CLNK: variants seen among roughly 807,000 people sequenced by gnomAD.
CLNK encodes the protein cytokine-dependent hematopoietic cell linker.
Under a neutral mutation model 68.6 loss-of-function variants are expected in CLNK, and 74 were observed. The ratio of observed to expected loss-of-function variants is 1.08; its 90% CI spans 0.89 to 1.31. CLNK has a LOEUF of 1.31. CLNK is among the 50% of genes most tolerant of loss of function. The probability of loss-of-function intolerance (pLI) is 0.00; values close to 1 mark genes in which losing one functional copy is unlikely to be tolerated. For missense variants in CLNK, 553 were observed against 515.3 expected, an observed-to-expected ratio of 1.07 and a Z score of -0.71; for synonymous variants, 198 against 172.2, an observed-to-expected ratio of 1.15 and a Z score of -1.17.
intron 2 of CLNK, among the ~76,000 whole-genome samples, chr4:10,644,884 T>G (rs1226026573): frequency 1.3e-5 from 2 of 152,204 alleles, no homozygotes; most frequent in African/African-American, 2.4e-5. Flanking sequence ...GGGATTCATA[T>G]ACTTCTTAAG....
At chr4:10,546,436 A>G (rs531154106) in intron 8 of CLNK, among the ~76,000 whole-genome samples, 2 of 152,298 alleles carry the variant, frequency 1.3e-5, no homozygotes, top group South Asian at 4.1e-4. Flanking sequence ...GCCAATTTAT[A>G]ACAAGAATGG....
chr4:10,681,335 G>A (rs1725084620), intron 1 of CLNK, among the ~76,000 whole-genome samples: 3 of 152,182 alleles, frequency 2.0e-5, no homozygotes, highest in Admixed American at 6.5e-5. Context: ...CAAAACTGAT[G>A]GTGAAATGTG....
At chr4:10,570,065 G>C (rs530716019) in intron 5 of CLNK, among the ~76,000 whole-genome samples, 32 of 152,302 alleles carry the variant, frequency 2.1e-4, no homozygotes, top group African/African-American at 7.2e-4. Flanking sequence ...TTCTGGAACT[G>C]TACACCCAGT....
chr4:10,574,350 T>C (rs73228220), intron 4 of CLNK, among the ~76,000 whole-genome samples: 35,413 of 152,098 alleles, frequency 0.23, 4,413 homozygotes, highest in African/African-American at 0.31. Context: ...TGGGATTCCA[T>C]ATTCATTTCT....
intron 12 of CLNK, 48 bp from the exon 13 acceptor site, chr4:10,528,142 GAATTTAATAT>G: frequency 1.0e-6 from 1 of 967,610 alleles, no homozygotes; most frequent in Non-Finnish European, 1.4e-6. Context: ...TGATGACAGA[GAATTTAATAT>G]AACACCATGT....
At chr4:10,602,602 ACT>A (rs1269354542) in intron 2 of CLNK, among the ~76,000 whole-genome samples, 1 of 152,128 alleles carries the variant, frequency 6.6e-6, no homozygotes, top group East Asian at 1.9e-4. Context: ...CCCTAGCTAA[ACT>A]TTGATTTCAG....
chr4:10,640,024 A>T (rs1322006346), intron 2 of CLNK, among the ~76,000 whole-genome samples: 2 of 152,248 alleles, frequency 1.3e-5, no homozygotes, highest in Non-Finnish European at 2.9e-5. Flanking sequence ...ATGGTGGATC[A>T]TTGTTCTTCA....
chr4:10,495,799 C>CACGTGACCATAGAGAGAGA (rs1560187784), intron 18 of CLNK, among the ~76,000 whole-genome samples: 2 of 149,906 alleles, frequency 1.3e-5, no homozygotes, highest in Non-Finnish European at 1.5e-5. Flanking sequence ...ATAGAGAGAG[C>CACGTGACCATAGAGAGAGA]GATGAGGAGA....
chr4:10,503,463 A>G, intron 17 of CLNK, among the ~76,000 whole-genome samples: 1 of 147,668 alleles, frequency 6.8e-6, no homozygotes, highest in Non-Finnish European at 1.5e-5. Context: ...CCCTGTCTCA[A>G]AAAAAAAAAA....
intron 1 of CLNK, among the ~76,000 whole-genome samples, chr4:10,681,584 T>C (rs1560277624): frequency 2.6e-5 from 4 of 152,190 alleles, no homozygotes; most frequent in African/African-American, 9.7e-5. Flanking sequence ...CATGCATAAG[T>C]GTTTAGGAAG....
chr4:10,699,268 C>CACACACCACATACGTGTGTAT, the CLNK span, among the ~76,000 whole-genome samples: 60 of 32,352 alleles, frequency 1.9e-3, 2 homozygotes, highest in African/African-American at 2.2e-3. Context: ...TGTGTATACA[C>CACACACCACATACGTGTGTAT]ACACACACAC....
intron 2 of CLNK, among the ~76,000 whole-genome samples, chr4:10,614,804 ATT>A (rs1201516355): frequency 6.6e-6 from 1 of 152,198 alleles, no homozygotes; most frequent in Non-Finnish European, 1.5e-5. Flanking sequence ...CCTTGTTGTG[ATT>A]GTTTCCTATG....
chr4:10,638,142 G>C (rs1224184714), intron 2 of CLNK, among the ~76,000 whole-genome samples: 1 of 152,168 alleles, frequency 6.6e-6, no homozygotes, highest in Admixed American at 6.5e-5. Flanking sequence ...CATTCAGCCT[G>C]TGTCTGCACC....
intron 8 of CLNK, among the ~76,000 whole-genome samples, chr4:10,552,615 T>A (rs1719506899): frequency 6.6e-6 from 1 of 152,014 alleles, no homozygotes; most frequent in Non-Finnish European, 1.5e-5. Context: ...CAAACCCCTA[T>A]AATTTCATCT....
the CLNK span, among the ~76,000 whole-genome samples, chr4:10,710,419 G>A: frequency 1.3e-5 from 2 of 152,134 alleles, no homozygotes; most frequent in African/African-American, 4.8e-5. Context: ...AAACCAAAGG[G>A]TACCAGCCTT....
At chr4:10,561,747 A>T (rs1369060685) in intron 7 of CLNK, among the ~76,000 whole-genome samples, 3 of 152,198 alleles carry the variant, frequency 2.0e-5, no homozygotes, top group African/African-American at 7.2e-5. Context: ...GCAGATCTTG[A>T]TGATAGCAGC....
In CLNK at chr4:10,608,630, A is replaced by G. The variant is rs1329601295; in HGVS notation, c.12-10581T>C. ...GGTCATGGGAACCAACTCCTTAACA[A>G]TGACGAAAATTCTTTACTGAACTGT... On this transcript the variant is annotated intron_variant, in intron 2 of 18. Coordinates refer to ENST00000226951, the MANE Select transcript of CLNK (RefSeq NM_052964.4). Among the ~76,000 whole-genome samples, 5 of 152,148 alleles carry G rather than the reference A, an allele frequency of 3.3e-5. No homozygotes were observed. The East Asian group carries it at 9.6e-4, about 29-fold the overall frequency.
intron 18 of CLNK, among the ~76,000 whole-genome samples, chr4:10,495,352 TGGCTGGCTAGGGC>T (rs1716761255): frequency 6.6e-6 from 1 of 152,182 alleles, no homozygotes; most frequent in African/African-American, 2.4e-5. Flanking sequence ...GGTGCCTCCT[TGGCTGGCTAGGGC>T]TGATGTTCTA....
At chr4:10,673,158 T>C (rs966267054) in intron 1 of CLNK, among the ~76,000 whole-genome samples, 3 of 152,122 alleles carry the variant, frequency 2.0e-5, no homozygotes, top group African/African-American at 7.2e-5. Flanking sequence ...TTGTACAGGG[T>C]AGAGTTTACT....
Sources: gnomAD v4.1 joint callset for allele counts (sites outside exome capture counted in the v4.1 genomes callset) on GRCh38, gnomAD v4.1.1 for gene constraint, MANE v1.5 for transcripts, NCBI Gene and HGNC (gene_info 2026-07-23, HGNC 2026-07-21) for gene names.